Variants in ABHD18 observed in about 807,000 individuals in gnomAD.
ABHD18 encodes the protein abhydrolase domain containing 18.
ABHD18 carries 55 observed loss-of-function variants against 65.9 expected under a neutral mutation model. The observed-to-expected ratio is 0.84, with a 90% CI of 0.67 to 1.05. ABHD18 has a LOEUF of 1.05. Among genes scored for constraint, ABHD18 ranks in the 50% least tolerant of loss-of-function variants. The pLI is 0.00. For synonymous variants in ABHD18, 181 were observed against 180.2 expected (o/e 1.00, Z -0.04); for missense variants, 533 against 558.5 (o/e 0.95, Z 0.46).
chr4:127,967,181 C>T (rs896040936), intron 1 of ABHD18, among the ~76,000 whole-genome samples: 8 of 151,624 alleles, frequency 5.3e-5, no homozygotes, highest in African/African-American at 1.7e-4. Context: ...AGCAGAATGG[C>T]TCCTAGATAA....
chr4:128,030,784 A>C, intron 12 of ABHD18, 112 bp downstream of exon 12: 2 of 1,437,504 alleles, frequency 1.4e-6, no homozygotes, highest in Non-Finnish European at 1.8e-6. Flanking sequence ...TCAATCTTTG[A>C]ATTCCCTCCT....
intron 6 of ABHD18, among the ~76,000 whole-genome samples, chr4:128,010,778 G>A (rs895055893): frequency 6.6e-6 from 1 of 151,930 alleles, no homozygotes; most frequent in Non-Finnish European, 1.5e-5. Flanking sequence ...AGCCAGGCGT[G>A]GTGGCGTGTG....
intron 8 of ABHD18, among the ~76,000 whole-genome samples, chr4:128,018,892 T>TA (rs1755987125): frequency 6.6e-6 from 1 of 151,258 alleles, no homozygotes; most frequent in Non-Finnish European, 1.5e-5. Flanking sequence ...CACGTGCCTG[T>TA]AATCCCAGCT....
chr4:128,007,285 C>T (rs1209087007), intron 4 of ABHD18, among the ~76,000 whole-genome samples: 2 of 120,808 alleles, frequency 1.7e-5, no homozygotes, highest in African/African-American at 6.5e-5. Flanking sequence ...TGTCACCGCA[C>T]AATTGTGTCA....
intron 7 of ABHD18, among the ~76,000 whole-genome samples, chr4:128,012,833 AG>A (rs1191704465): frequency 6.6e-6 from 1 of 152,092 alleles, no homozygotes; most frequent in Non-Finnish European, 1.5e-5. Flanking sequence ...TGGGAGGCCA[AG>A]GTGGGTGGAT....
Position 128,021,147 on chromosome 4 carries a change from G to C in ABHD18, c.710G>C (p.Ser237Thr), listed in dbSNP as rs1440942790. The change falls in exon 10 of 13, where the codon AGT becomes ACT. Residue 237 changes from serine to threonine, a missense_variant. Transcript: ENST00000645843. ...ASGVFTTGVL[S>T]KSINWRELEK... ...AGCTTATTATTTCAGGGTGTGTTGA[G>C]TAAATCAATTAATTGGAGGGAGCTG... 6.5e-7 allele frequency: 1 copy of C among 1,543,934 alleles called. No individual in the cohort carries two copies. The highest frequency in any genetic ancestry group is 1.2e-5 in the South Asian group (1 of 83,838).
At chr4:128,021,264 A>G (rs1265654634) in intron 10 of ABHD18, 26 bp downstream of exon 10, 6 of 1,308,752 alleles carry the variant, frequency 4.6e-6, no homozygotes, top group South Asian at 1.3e-5. Flanking sequence ...TCCACCCAAC[A>G]TTGGTGGTGG....
At chr4:128,001,986 A>T (rs2149113093) in intron 4 of ABHD18, among the ~76,000 whole-genome samples, 1 of 152,196 alleles carries the variant, frequency 6.6e-6, no homozygotes, top group Middle Eastern at 3.4e-3. Flanking sequence ...TGTTAGAAAC[A>T]TGTTGGAGCC....
chr4:127,978,980 C>G (rs1214820896), intron 1 of ABHD18, among the ~76,000 whole-genome samples: 3 of 152,124 alleles, frequency 2.0e-5, no homozygotes, highest in Non-Finnish European at 2.9e-5. Context: ...TGTATAAATT[C>G]ATCATAAAGT....
At position 128,030,689 on chromosome 4, in the gene ABHD18, A is replaced by T. The variant is rs748245754; in HGVS notation, c.1343+17A>T. The stretch of plus-strand genomic sequence containing the variant: ...ACTCTTCAGGTAAGACGGCTGGTCT[A>T]AACATGTATTCGTTCATTTGTTGTT... On this transcript the variant is annotated intron_variant, in intron 12 of 12. Coordinates refer to ENST00000645843, the MANE Select transcript of ABHD18 (RefSeq NM_001358451.3). 1.3e-6 allele frequency: 2 copies of T among 1,552,728 alleles called. No homozygotes were observed. The highest frequency in any genetic ancestry group is 1.7e-6 in the Non-Finnish European group (2 of 1,160,598).
chr4:127,995,183 C>T (rs1343604764), intron 4 of ABHD18, among the ~76,000 whole-genome samples: 1 of 152,198 alleles, frequency 6.6e-6, no homozygotes, highest in Non-Finnish European at 1.5e-5. Flanking sequence ...CCCGGCCAGG[C>T]ACTCATTTTA....
chr4:127,998,295 T>C (rs1006379404), intron 4 of ABHD18, among the ~76,000 whole-genome samples: 4 of 149,264 alleles, frequency 2.7e-5, no homozygotes, highest in African/African-American at 9.8e-5. Context: ...TTTTTTTTTT[T>C]TTTTTGAGAT....
chr4:127,997,656 T>G (rs1751956877), intron 4 of ABHD18, among the ~76,000 whole-genome samples: 1 of 152,196 alleles, frequency 6.6e-6, no homozygotes, highest in African/African-American at 2.4e-5. Flanking sequence ...AACAAGTGAT[T>G]AAGAAAAGCA....
chr4:128,003,956 A>AC lies in ABHD18; in HGVS notation c.279-4964_279-4963insC, dbSNP rs1354081598. Among the ~76,000 whole-genome samples the AC allele has an allele frequency of 1.2e-4, 18 of 150,752 alleles. 1 individual carries two copies. The East Asian group carries it at 2.3e-3, about 20-fold the overall frequency. The stretch of plus-strand genomic sequence containing the variant: ...AAGACCCTGTCTCGATTTAAAAAAA[A>AC]AAAAAACAAAAAAAAACCAAACAAA... On this transcript the variant is annotated intron_variant, in intron 4 of 12. Transcript: ENST00000645843.
chr4:127,975,694 T>G (rs1271693720), intron 1 of ABHD18, among the ~76,000 whole-genome samples: 1 of 152,226 alleles, frequency 6.6e-6, no homozygotes, highest in Non-Finnish European at 1.5e-5. Context: ...TAACTAGTGT[T>G]TACTTTAGAT....
At chr4:128,001,222 A>T (rs950126243) in intron 4 of ABHD18, among the ~76,000 whole-genome samples, 3 of 152,168 alleles carry the variant, frequency 2.0e-5, no homozygotes, top group Non-Finnish European at 4.4e-5. Context: ...TCCAGTTCTC[A>T]AGGGGAATGC....
At chr4:128,009,353 T>C (rs77718876) in intron 6 of ABHD18, among the ~76,000 whole-genome samples, 162 bp downstream of exon 6, 5,668 of 152,282 alleles carry the variant, frequency 0.037, 350 homozygotes, top group African/African-American at 0.13. Flanking sequence ...TGAAAGACTA[T>C]TTCATGCTTT....
In ABHD18 at chr4:128,037,747, A is replaced by G. The variant is rs907821920; in HGVS notation, c.*1934A>G. On this transcript the variant is annotated 3_prime_UTR_variant, in exon 13 of 13. Transcript: ENST00000645843. ...AACAGCCTTGGCTTTTAATTTCAAA[A>G]TTTAATAGACACATATGCAATTGAT... 1 of 152,128 alleles carries G rather than the reference A, an allele frequency of 6.6e-6. No homozygotes were observed. Among genetic ancestry groups the G allele is most frequent in the Non-Finnish European group, 1.5e-5 (1 of 68,040 alleles). The allele number at this position is 152,128 out of a possible 1,614,324, so 9.4% of individuals were successfully genotyped here.
chr4:127,980,598 C>T (rs1404923453), intron 1 of ABHD18, among the ~76,000 whole-genome samples: 3 of 151,290 alleles, frequency 2.0e-5, no homozygotes, highest in East Asian at 1.9e-4. Context: ...CCAAGGCGGA[C>T]GGATAACCTC....
Sources: gnomAD v4.1 joint callset for allele counts (sites outside exome capture counted in the v4.1 genomes callset) on GRCh38, gnomAD v4.1.1 for gene constraint, MANE v1.5 for transcripts, NCBI Gene and HGNC (gene_info 2026-07-23, HGNC 2026-07-21) for gene names.